PIP4K2A: variants seen among roughly 807,000 people sequenced by gnomAD.
PIP4K2A encodes the protein phosphatidylinositol-5-phosphate 4-kinase type 2 alpha, also known as phosphatidylinositol 5-phosphate 4-kinase type-2 alpha.
In PIP4K2A, 14 loss-of-function variants were observed where a neutral mutation model predicts 42.9. The observed-to-expected ratio is 0.33, with a 90% CI of 0.22 to 0.51. The LOEUF (loss-of-function observed/expected upper bound fraction) is 0.51. Ranked by LOEUF, PIP4K2A falls within the 20% of genes least tolerant of loss-of-function variation. PIP4K2A has a pLI of 0.97. For missense variants in PIP4K2A, 434 were observed against 519.8 expected, an observed-to-expected ratio of 0.83 and a Z score of 1.61; for synonymous variants, 192 against 192.2, an observed-to-expected ratio of 1.00 and a Z score of 0.01.
In PIP4K2A at chr10:22,656,045, G is replaced by A. The variant is rs540581953; in HGVS notation, c.145-46328C>T. ...GCAAGTTCCTATCGATCTGCTCTAC[G>A]GAGCATTAAGACCTCAATGACCCCA... On this transcript the variant is annotated intron_variant, in intron 1 of 9. Coordinates refer to ENST00000376573, the MANE Select transcript of PIP4K2A (RefSeq NM_005028.5). 9.9e-5 allele frequency among the ~76,000 whole-genome samples: 15 copies of A among 152,120 alleles called. No individual in the cohort carries two copies. The East Asian group carries it at 1.9e-3, about 19-fold the overall frequency.
At chr10:22,604,005 GCACGCA>G (rs1219643099) in intron 3 of PIP4K2A, among the ~76,000 whole-genome samples, 2 of 92,820 alleles carry the variant, frequency 2.2e-5, no homozygotes, top group African/African-American at 1.1e-4. Context: ...ACACACGCGC[GCACGCA>G]CACACACACA....
chr10:22,695,294 C>T (rs1273438805), intron 1 of PIP4K2A, among the ~76,000 whole-genome samples: 2 of 152,156 alleles, frequency 1.3e-5, no homozygotes, highest in Non-Finnish European at 2.9e-5. Context: ...GTAGTACACA[C>T]AGGAAAACTT....
At chr10:22,634,040 C>T (rs1838609848) in intron 1 of PIP4K2A, among the ~76,000 whole-genome samples, 1 of 152,196 alleles carries the variant, frequency 6.6e-6, no homozygotes, top group African/African-American at 2.4e-5. Context: ...TTATTGAAAA[C>T]AAAATGTAGT....
intron 1 of PIP4K2A, among the ~76,000 whole-genome samples, chr10:22,621,357 C>T (rs982577547): frequency 6.6e-6 from 1 of 152,224 alleles, no homozygotes; most frequent in Non-Finnish European, 1.5e-5. Context: ...TCACACAGCA[C>T]TCTAAGAAAC....
At chr10:22,591,413 A>T (rs1344267919) in intron 4 of PIP4K2A, among the ~76,000 whole-genome samples, 2 of 152,260 alleles carry the variant, frequency 1.3e-5, no homozygotes, top group African/African-American at 4.8e-5. Flanking sequence ...AAAGTGTTAT[A>T]CAAATAATGA....
Position 22,714,469 on chromosome 10 carries a change from C to T in PIP4K2A, c.-143G>A. The T allele has an allele frequency of 3.3e-6, 1 of 307,208 alleles. No homozygotes were observed. The highest frequency in any genetic ancestry group is 4.7e-6 in the Non-Finnish European group (1 of 212,240). 19.0% of individuals were successfully genotyped at this position (307,208 alleles called of 1,614,324 possible). A position where few individuals can be genotyped will look rare whatever the true frequency, so the allele number is the denominator to read the frequency against. On this transcript the variant is annotated 5_prime_UTR_variant, in exon 1 of 10. Coordinates refer to ENST00000376573, the MANE Select transcript of PIP4K2A (RefSeq NM_005028.5). ...TCCGCTCCGCCCGCCGCCGCCGGCG[C>T]GCTCAGCCCCACTCGGCTCGCTCCG...
At chr10:22,627,726 T>C (rs1564448351) in intron 1 of PIP4K2A, among the ~76,000 whole-genome samples, 1 of 151,762 alleles carries the variant, frequency 6.6e-6, no homozygotes, top group African/African-American at 2.4e-5. Flanking sequence ...TGCAAGGGCT[T>C]TGCCTGTGTG....
intron 4 of PIP4K2A, among the ~76,000 whole-genome samples, chr10:22,580,278 A>C (rs1034433733): frequency 2.0e-5 from 3 of 152,072 alleles, no homozygotes; most frequent in Non-Finnish European, 4.4e-5. Flanking sequence ...TAGGATCACA[A>C]CTGTGAGCAC....
chr10:22,644,374 G>T lies in PIP4K2A; in HGVS notation c.145-34657C>A, dbSNP rs576716679. 2.4e-4 allele frequency among the ~76,000 whole-genome samples: 37 copies of T among 152,290 alleles called. No homozygotes were observed. In the South Asian group the frequency reaches 4.4e-3, roughly 18 times the overall value. ...CTGCAGATGGCGGCAAAGCCTCCTG[G>T]GAGGTCTTGGCTTATCAGTTCCACA... is the stretch of plus-strand genomic sequence containing the variant. On this transcript the variant is annotated intron_variant, in intron 1 of 9. Transcript: ENST00000376573.
chr10:22,539,900 AGAGAGAGAGAGG>A lies in PIP4K2A; in HGVS notation c.1140+59_1140+70del, dbSNP rs1174285037. On this transcript the variant is annotated intron_variant, in intron 9 of 9. Coordinates refer to ENST00000376573, the MANE Select transcript of PIP4K2A (RefSeq NM_005028.5). The stretch of plus-strand genomic sequence containing the variant: ...CAGAGGAGCCAGGAGAGAGAGAGAG[AGAGAGAGAGAGG>A]GAGAGAGAGAGAGAGAGAGGGAGAG... The A allele has an allele frequency of 9.7e-3, 6,274 of 649,656 alleles. 52 individuals carry two copies. The highest frequency in any genetic ancestry group is 0.025 in the Admixed American group (1,026 of 40,298). 40.2% of individuals were successfully genotyped at this position (649,656 alleles called of 1,614,324 possible).
chr10:22,555,824 TG>T (rs972312840), intron 6 of PIP4K2A, among the ~76,000 whole-genome samples: 1 of 151,646 alleles, frequency 6.6e-6, no homozygotes, highest in African/African-American at 2.4e-5. Flanking sequence ...TTAGCTTCCC[TG>T]GGCCACACTG....
chr10:22,693,908 G>C (rs75266719), intron 1 of PIP4K2A: 1 of 152,066 alleles, frequency 6.6e-6, no homozygotes, highest in East Asian at 1.9e-4. Context: ...GATAAAAGAG[G>C]TGTTAAGTCC....
intron 1 of PIP4K2A, among the ~76,000 whole-genome samples, chr10:22,709,259 A>AT (rs1833874411): frequency 6.6e-6 from 1 of 152,180 alleles, no homozygotes; most frequent in Non-Finnish European, 1.5e-5. Context: ...TGCTAATTAC[A>AT]GTGCTAGGCC....
chr10:22,538,394 C>T (rs1835993831), intron 9 of PIP4K2A, among the ~76,000 whole-genome samples: 2 of 150,760 alleles, frequency 1.3e-5, no homozygotes, highest in South Asian at 2.1e-4. Flanking sequence ...CTAGGATACA[C>T]TCCAATTTCA....
rs1260912615 is a variant in PIP4K2A at position 22,591,682 on chromosome 10, T to C, written c.439A>G (p.Ile147Val). Residue 147 changes from isoleucine (I) to valine (V), a missense_variant, in exon 4 of 10, where the codon ATT becomes GTT. Ile to Val is a conservative substitution (Grantham distance 29). This residue lies in a region of PIP4K2A where 395 missense variants were observed against 444.5 expected (regional missense o/e 0.89). Transcript: ENST00000376573. ...SYDKRYIIKT[I>V]TSEDVAEMHN... ...ATTTCGGCCACGTCTTCACTGGTAATAGTCTTGATGATGTATCTTTTGTCG... is the reference window on the plus strand; with the variant it reads ...ATTTCGGCCACGTCTTCACTGGTAACAGTCTTGATGATGTATCTTTTGTCG... The C allele has an allele frequency of 8.1e-6, 13 of 1,613,162 alleles. No homozygotes were observed. The highest frequency in any genetic ancestry group is 2.2e-5 in the East Asian group (1 of 44,846).
rs763052531 is a variant in PIP4K2A at position 22,550,655 on chromosome 10, T to C, written c.792+4A>G. The stretch of plus-strand genomic sequence containing the variant: ...AGTCTGGCCTCTCCACTGACTGTTC[T>C]TACCTCAACATCCTTTTTTAGTTTT... On this transcript the variant is annotated splice_donor_region_variant and intron_variant, in intron 7 of 9. Coordinates refer to ENST00000376573, the MANE Select transcript of PIP4K2A (RefSeq NM_005028.5). 6.9e-7 allele frequency: 1 copy of C among 1,456,462 alleles called. No homozygotes were observed. The highest frequency in any genetic ancestry group is 9.7e-7 in the Non-Finnish European group (1 of 1,035,144). 90.2% of individuals were successfully genotyped at this position (1,456,462 alleles called of 1,614,324 possible). A position where few individuals can be genotyped will look rare whatever the true frequency, so the allele number is the denominator to read the frequency against.
chr10:22,546,307 CT>C (rs1225277564), intron 7 of PIP4K2A, among the ~76,000 whole-genome samples: 1 of 152,084 alleles, frequency 6.6e-6, no homozygotes, highest in Non-Finnish European at 1.5e-5. Flanking sequence ...TGGTAGAAGT[CT>C]TTTTTTAATA....
chr10:22,653,069 G>A (rs1247314963), intron 1 of PIP4K2A, among the ~76,000 whole-genome samples: 1 of 151,990 alleles, frequency 6.6e-6, no homozygotes, highest in Non-Finnish European at 1.5e-5. Flanking sequence ...ACTCCGGTCT[G>A]GGCAACAGAG....
rs1835957777 is a variant in PIP4K2A, at chr10:22,537,212, T to C, written c.1210A>G (p.Ile404Val). 1 of 1,604,696 alleles carries C rather than the reference T, an allele frequency of 6.2e-7. No homozygotes were observed. Among genetic ancestry groups the C allele is most frequent in the Non-Finnish European group, 8.5e-7 (1 of 1,174,454 alleles). Residue 404 changes from isoleucine (I) to valine (V), a missense_variant, in exon 10 of 10, where the codon ATC (isoleucine) becomes GTC (valine). By Grantham distance (29) the Ile-to-Val change is conservative. Around this residue, in one of 2 missense-constraint regions of PIP4K2A, gnomAD observed 39 missense variants for 75.3 expected, o/e 0.52. Transcript: ENST00000376573. ...SKRFLDFIGH[I>V]LT ...GGCTGCGCAGGAGGTTACGTCAAGA[T>C]GTGGCCAATAAAGTCCAAAAAGCGC...
Sources: gnomAD v4.1 joint callset for allele counts (sites outside exome capture counted in the v4.1 genomes callset) on GRCh38, gnomAD v4.1.1 for gene constraint, gnomAD v4.1.1 regional missense constraint, MANE v1.5 for transcripts, NCBI Gene and HGNC (gene_info 2026-07-23, HGNC 2026-07-21) for gene names.